The following ADAMTS16 variants were observed in gnomAD, a reference collection of about 807,000 sequenced individuals.
The protein encoded by ADAMTS16 is A disintegrin and metalloproteinase with thrombospondin motifs 16.
Under a neutral mutation model 145.8 loss-of-function variants are expected in ADAMTS16, and 94 were observed. The ratio of observed to expected loss-of-function variants is 0.64; its 90% confidence interval spans 0.55 to 0.77. The LOEUF (loss-of-function observed/expected upper bound fraction) is 0.77. Ranked by LOEUF, ADAMTS16 falls within the 30% of genes least tolerant of loss-of-function variation. The pLI is 0.00. For missense variants in ADAMTS16, 1,585 were observed against 1,591.5 expected (o/e 1.00, Z 0.07); for synonymous variants, 659 against 604.3 (o/e 1.09, Z -1.33).
chr5:5,190,567 C>T lies in ADAMTS16; in HGVS notation c.1207+437C>T, dbSNP rs150777176. 2.3e-3 allele frequency among the ~76,000 whole-genome samples: 352 copies of T among 151,948 alleles called. 2 individuals carry two copies. Among genetic ancestry groups the T allele is most frequent in the African/African-American group, 8.1e-3 (334 of 41,458 alleles). ...ATCTTAGCAATGTTTTAGACATTTA[C>T]GGGGCTGGGTGTGACTTGTAGAGGC... is the stretch of plus-strand genomic sequence containing the variant. On this transcript the variant is annotated intron_variant, in intron 7 of 22. Coordinates refer to ENST00000274181, the MANE Select transcript of ADAMTS16 (RefSeq NM_139056.4).
In ADAMTS16 at chr5:5,232,531, A is replaced by C; in HGVS notation, c.1850+15A>C. On this transcript the variant is annotated intron_variant, in intron 12 of 22. Coordinates refer to ENST00000274181, the MANE Select transcript of ADAMTS16 (RefSeq NM_139056.4). ...ACCAACCCCAAGTAAGTATGCCTTGACCTCCTTCCTCACAAACGACTGATT... is the reference window on the plus strand; with the variant it reads ...ACCAACCCCAAGTAAGTATGCCTTGCCCTCCTTCCTCACAAACGACTGATT... 1 of 1,603,368 alleles carries C rather than the reference A, an allele frequency of 6.2e-7. No homozygotes were observed.
chr5:5,286,538 A>C (rs972295187), intron 18 of ADAMTS16, among the ~76,000 whole-genome samples: 1 of 152,320 alleles, frequency 6.6e-6, no homozygotes. Context: ...AGCTGACTAA[A>C]TATCTAACAA....
In ADAMTS16 at chr5:5,146,467, G is replaced by A. The variant is rs752577054; in HGVS notation, c.501+12G>A. The A allele has an allele frequency of 1.5e-5, 23 of 1,585,266 alleles. No individual in the cohort carries two copies. In the East Asian group the frequency reaches 4.0e-4, roughly 28 times the overall value. Reference sequence around the variant, plus strand: ...CCTGCCAAGGCTTGGTGAGTACAGCGCAAGCCCCAGGTAGGGAGGCGAGGT... The same window carrying A: ...CCTGCCAAGGCTTGGTGAGTACAGCACAAGCCCCAGGTAGGGAGGCGAGGT... On this transcript the variant is annotated intron_variant, in intron 3 of 22. Transcript: ENST00000274181.
At chr5:5,295,839 G>A (rs952983993) in intron 18 of ADAMTS16, among the ~76,000 whole-genome samples, 7 of 152,162 alleles carry the variant, frequency 4.6e-5, no homozygotes, top group African/African-American at 1.4e-4. Flanking sequence ...TATACCCAGT[G>A]GAAAACCACT....
intron 3 of ADAMTS16, among the ~76,000 whole-genome samples, chr5:5,156,267 T>TAAC (rs1734599965): frequency 6.6e-6 from 1 of 152,170 alleles, no homozygotes; most frequent in African/African-American, 2.4e-5. Context: ...ATTGAGAGAA[T>TAAC]AACTACCAGG....
At chr5:5,263,317 A>C (rs996673293) in intron 18 of ADAMTS16, among the ~76,000 whole-genome samples, 1 of 152,162 alleles carries the variant, frequency 6.6e-6, no homozygotes, top group African/African-American at 2.4e-5. Flanking sequence ...GGGTTCTCTG[A>C]GGCAGGAGGT....
At chr5:5,187,122 G>GA (rs1735524354) in intron 5 of ADAMTS16, among the ~76,000 whole-genome samples, 1 of 152,188 alleles carries the variant, frequency 6.6e-6, no homozygotes, top group Non-Finnish European at 1.5e-5. Flanking sequence ...CTGACGCGTG[G>GA]AAGTGTTTGC....
chr5:5,175,892 G>A (rs1436004559), intron 3 of ADAMTS16: 1 of 152,424 alleles, frequency 6.6e-6, no homozygotes, highest in Non-Finnish European at 1.5e-5. Flanking sequence ...AGATGGGGAA[G>A]GGGTGGCTTT....
At chr5:5,276,249 T>C (rs1407055638) in intron 18 of ADAMTS16, among the ~76,000 whole-genome samples, 1 of 152,232 alleles carries the variant, frequency 6.6e-6, no homozygotes, top group Non-Finnish European at 1.5e-5. Context: ...TTGTATGTCT[T>C]CTACTTACCA....
chr5:5,307,937 C>T (rs188734015), intron 21 of ADAMTS16, among the ~76,000 whole-genome samples: 4 of 152,280 alleles, frequency 2.6e-5, no homozygotes, highest in South Asian at 2.1e-4. Context: ...ATTTCCTGGG[C>T]GAGGGCAGCA....
intron 21 of ADAMTS16, among the ~76,000 whole-genome samples, chr5:5,309,790 G>A (rs1409690208): frequency 1.3e-5 from 2 of 151,874 alleles, no homozygotes; most frequent in Non-Finnish European, 2.9e-5. Flanking sequence ...GGGCTGGAGA[G>A]TGCATGTGTG....
intron 10 of ADAMTS16, among the ~76,000 whole-genome samples, chr5:5,212,897 T>G (rs1429790815): frequency 6.6e-6 from 1 of 152,218 alleles, no homozygotes; most frequent in East Asian, 1.9e-4. Context: ...GATTAAACTA[T>G]TTTTTAAATT....
At chr5:5,258,194 A>G (rs531988592) in intron 17 of ADAMTS16, among the ~76,000 whole-genome samples, 1 of 152,282 alleles carries the variant, frequency 6.6e-6, no homozygotes, top group African/African-American at 2.4e-5. Context: ...GCCAAGTCTC[A>G]AGCCTCTCTC....
intron 5 of ADAMTS16, 74 bp from the exon 6 acceptor site, chr5:5,187,651 G>A (rs1208259594): frequency 5.2e-6 from 5 of 955,970 alleles, no homozygotes; most frequent in Non-Finnish European, 8.5e-6. Context: ...AAGGGCGTTG[G>A]ATTCTAGGCC....
intron 3 of ADAMTS16, among the ~76,000 whole-genome samples, chr5:5,154,503 A>G (rs1366213221): frequency 6.6e-6 from 1 of 152,218 alleles, no homozygotes; most frequent in Non-Finnish European, 1.5e-5. Flanking sequence ...AGATTTTTCT[A>G]TTAATTTACT....
intron 18 of ADAMTS16, among the ~76,000 whole-genome samples, chr5:5,263,766 T>C (rs148084639): frequency 2.9e-4 from 44 of 152,184 alleles, no homozygotes; most frequent in African/African-American, 9.9e-4. Context: ...TGGACGGAGG[T>C]GTGTTCGCAG....
At chr5:5,175,897 G>A (rs1174349611) in intron 3 of ADAMTS16, 1 of 152,384 alleles carries the variant, frequency 6.6e-6, no homozygotes, top group African/African-American at 2.4e-5. Flanking sequence ...GGGAAGGGGT[G>A]GCTTTGGCAA....
At chr5:5,178,618 A>T (rs543243940) in intron 3 of ADAMTS16, among the ~76,000 whole-genome samples, 2 of 152,360 alleles carry the variant, frequency 1.3e-5, no homozygotes, top group South Asian at 2.1e-4. Context: ...GATTATTTAA[A>T]TACTGAATAT....
intron 10 of ADAMTS16, among the ~76,000 whole-genome samples, chr5:5,212,203 TG>T (rs56120725): frequency 0.18 from 23,700 of 133,974 alleles, 3,010 homozygotes; most frequent in East Asian, 0.55. Context: ...TTTTTTGTTT[TG>T]TTTTGTTTTG....
Sources: gnomAD v4.1 joint callset for allele counts (sites outside exome capture counted in the v4.1 genomes callset) on GRCh38, gnomAD v4.1.1 for gene constraint, MANE v1.5 for transcripts, NCBI Gene and HGNC (gene_info 2026-07-23, HGNC 2026-07-21) for gene names.